ITIH5: variants seen among roughly 807,000 people sequenced by gnomAD.
ITIH5 encodes inter-alpha-trypsin inhibitor heavy chain 5, also known as inter-alpha-trypsin inhibitor heavy chain H5.
In ITIH5, 65 loss-of-function variants were observed where a neutral mutation model predicts 77.5. The ratio of observed to expected loss-of-function variants is 0.84; its 90% confidence interval spans 0.69 to 1.03. The LOEUF (loss-of-function observed/expected upper bound fraction) is 1.03. ITIH5 is among the 50% of genes least tolerant of loss of function. The probability of loss-of-function intolerance (pLI) is 0.00; values close to 1 mark genes in which losing one functional copy is unlikely to be tolerated. For synonymous variants in ITIH5, 525 were observed against 494.3 expected, an observed-to-expected ratio of 1.06 and a Z score of -0.82; for missense variants, 1,208 against 1,213.1, an observed-to-expected ratio of 1.00 and a Z score of 0.06.
intron 5 of ITIH5, chr10:7,622,010 G>C (rs1833481690): frequency 6.6e-6 from 1 of 152,120 alleles, no homozygotes. Flanking sequence ...TGGTGAGCTG[G>C]AGCAGCTGCT....
In ITIH5 at chr10:7,644,953, A is replaced by T. The variant is rs11255265; in HGVS notation, c.136-2863T>A. ...TATATATATCACATATATATATATC[A>T]CACATATATATATATATATCAAGCA... is the stretch of plus-strand genomic sequence containing the variant. On this transcript the variant is annotated intron_variant, in intron 2 of 13. Coordinates refer to ENST00000397146, the MANE Select transcript of ITIH5 (RefSeq NM_030569.7). Among the ~76,000 whole-genome samples the T allele has an allele frequency of 1.7e-3, 6 of 3,530 alleles. 1 individual carries two copies. The highest frequency in any genetic ancestry group is 5.4e-3 in the Non-Finnish European group (6 of 1,104). The allele number at this position is 3,530 out of a possible 152,430, so 2.3% of individuals were successfully genotyped here.
At chr10:7,654,557 C>T (rs965963876) in intron 2 of ITIH5, among the ~76,000 whole-genome samples, 10 of 152,210 alleles carry the variant, frequency 6.6e-5, no homozygotes, top group Non-Finnish European at 1.0e-4. Context: ...TAAAGAGTCG[C>T]GTTCCCTAAG....
intron 2 of ITIH5, among the ~76,000 whole-genome samples, chr10:7,648,059 C>G (rs1042848084): frequency 1.3e-5 from 2 of 148,498 alleles, no homozygotes; most frequent in Non-Finnish European, 3.0e-5. Context: ...CTGGCTAACA[C>G]AGTGAAACCC....
chr10:7,642,179 A>T, intron 2 of ITIH5, 89 bp from the exon 3 acceptor site: 1 of 1,032,196 alleles, frequency 9.7e-7, no homozygotes, highest in Admixed American at 2.4e-5. Context: ...CCACAAGGGA[A>T]ATAATCTTCA....
At chr10:7,572,860 C>A in intron 11 of ITIH5, 1 of 232,720 alleles carries the variant, frequency 4.3e-6, no homozygotes, top group East Asian at 1.0e-4. Flanking sequence ...TCACTGTAAC[C>A]TCAACTTCCC....
At chr10:7,566,755 AAG>A (rs375858614) in intron 12 of ITIH5, among the ~76,000 whole-genome samples, 1 of 39,552 alleles carries the variant, frequency 2.5e-5, no homozygotes, top group African/African-American at 8.8e-5. Context: ...GAAGAAGAAG[AAG>A]AAGAAGAAAG....
chr10:7,666,945 C>A lies in ITIH5; in HGVS notation c.-53G>T. ...GGACCCGGCGGGACACGCTTTGCAG[C>A]GCCCAGGGCTCCAGCCACTGCGGGA... On this transcript the variant is annotated 5_prime_UTR_variant, in exon 1 of 14. Transcript: ENST00000397146. The A allele has an allele frequency of 6.9e-7, 1 of 1,443,582 alleles. No homozygotes were observed. Among genetic ancestry groups the A allele is most frequent in the South Asian group, 1.2e-5 (1 of 81,798 alleles). 89.4% of individuals were successfully genotyped at this position (1,443,582 alleles called of 1,614,324 possible).
At position 7,620,818 on chromosome 10, in the gene ITIH5, A is replaced by G. The variant is rs566499661; in HGVS notation, c.653-3536T>C. The stretch of plus-strand genomic sequence containing the variant: ...GTTTCCGGGAGGCACTTTTCAGCGC[A>G]GTGTCGGTGAACCCTAAGAAAGCTG... On this transcript the variant is annotated intron_variant, in intron 5 of 13. Coordinates refer to ENST00000397146, the MANE Select transcript of ITIH5 (RefSeq NM_030569.7). 3 of 152,410 alleles carry G rather than the reference A, an allele frequency of 2.0e-5. No individual in the cohort carries two copies. The South Asian group carries it at 6.2e-4, about 32-fold the overall frequency. 9.4% of individuals were successfully genotyped at this position (152,410 alleles called of 1,614,324 possible).
intron 7 of ITIH5, among the ~76,000 whole-genome samples, chr10:7,589,784 C>T (rs969528102): frequency 3.9e-4 from 59 of 152,068 alleles, no homozygotes; most frequent in African/African-American, 1.4e-3. Context: ...TAAACAGAAT[C>T]CACACCCAAG....
chr10:7,637,366 G>A lies in ITIH5; in HGVS notation c.514C>T (p.His172Tyr). The A allele has an allele frequency of 6.2e-7, 1 of 1,614,232 alleles. No individual in the cohort carries two copies. Among genetic ancestry groups the A allele is most frequent in the Non-Finnish European group, 8.5e-7 (1 of 1,180,048 alleles). Reference protein sequence around the residue: ...LLQRRLGKYEHSISVRPQQLS... With the variant: ...LLQRRLGKYEYSISVRPQQLS... ...TGCTGGGGCCGCACGCTGATGCTGT[G>A]CTCGTACTTGCCCAGGCGCCTCTGC... The change falls in exon 5 of 14, where the codon CAC becomes TAC. Residue 172 changes from histidine to tyrosine, a missense_variant. Transcript: ENST00000397146.
intron 8 of ITIH5, among the ~76,000 whole-genome samples, chr10:7,581,251 C>T (rs1016816733): frequency 1.3e-5 from 2 of 150,284 alleles, no homozygotes; most frequent in African/African-American, 2.4e-5. Flanking sequence ...CAGAGTGAGA[C>T]GCGGTCTCAA....
chr10:7,583,532 C>T (rs112153317), intron 8 of ITIH5, among the ~76,000 whole-genome samples: 1 of 152,266 alleles, frequency 6.6e-6, no homozygotes, highest in African/African-American at 2.4e-5. Flanking sequence ...TGGGGTTTCA[C>T]CATGTTGCCC....
At chr10:7,641,818 T>C in intron 3 of ITIH5, 109 bp downstream of exon 3, 2 of 819,324 alleles carry the variant, frequency 2.4e-6, no homozygotes, top group South Asian at 3.4e-5. Flanking sequence ...CTATATACCA[T>C]CTACTGGAAT....
chr10:7,627,893 G>A (rs947159117), intron 5 of ITIH5, among the ~76,000 whole-genome samples: 1 of 127,726 alleles, frequency 7.8e-6, no homozygotes, highest in Non-Finnish European at 1.6e-5. Context: ...CCAGGCTGGA[G>A]TGCAGTGGTG....
chr10:7,596,408 G>A (rs1317235658), intron 7 of ITIH5, among the ~76,000 whole-genome samples: 1 of 152,154 alleles, frequency 6.6e-6, no homozygotes, highest in Non-Finnish European at 1.5e-5. Flanking sequence ...TGCGGCCCAC[G>A]GCTTCCTCCC....
intron 12 of ITIH5, among the ~76,000 whole-genome samples, chr10:7,569,010 C>CTTTTTTTTT (rs5782983): frequency 1.3e-4 from 9 of 71,592 alleles, no homozygotes; most frequent in African/African-American, 2.5e-4. Context: ...TTTTCTTTTT[C>CTTTTTTTTT]TTTTTTTTTT....
chr10:7,659,480 G>T (rs1207070495), intron 1 of ITIH5, among the ~76,000 whole-genome samples: 1 of 152,030 alleles, frequency 6.6e-6, no homozygotes, highest in African/African-American at 2.4e-5. Flanking sequence ...AGGGACCCTG[G>T]GCAAGTTCTT....
intron 7 of ITIH5, among the ~76,000 whole-genome samples, chr10:7,592,967 A>C (rs190344664): frequency 3.5e-4 from 53 of 152,220 alleles, no homozygotes; most frequent in South Asian, 6.2e-4. Context: ...CAGAGTGGTC[A>C]GGCTGCATGG....
At chr10:7,572,173 T>C in intron 11 of ITIH5, 2 of 1,193,758 alleles carry the variant, frequency 1.7e-6, no homozygotes, top group Non-Finnish European at 2.1e-6. Context: ...GGACTCTATA[T>C]CCACAGCTCA....
Sources: gnomAD v4.1 joint callset for allele counts (sites outside exome capture counted in the v4.1 genomes callset) on GRCh38, gnomAD v4.1.1 for gene constraint, MANE v1.5 for transcripts, NCBI Gene and HGNC (gene_info 2026-07-23, HGNC 2026-07-21) for gene names.